The following CETN3 variants were observed in gnomAD, a reference collection of about 807,000 sequenced individuals.
CETN3 encodes the protein centrin-3.
A neutral mutation model predicts 20.1 loss-of-function variants in CETN3; 17 were observed. The ratio of observed to expected loss-of-function variants is 0.85; its 90% confidence interval spans 0.58 to 1.27. The LOEUF is 1.27. CETN3 is among the 50% of genes most tolerant of loss of function. The probability of loss-of-function intolerance (pLI) is 0.00; values close to 1 mark genes in which losing one functional copy is unlikely to be tolerated. For synonymous variants in CETN3, 52 were observed against 59.7 expected (o/e 0.87, Z 0.59); for missense variants, 169 against 191.2 (o/e 0.88, Z 0.69).
At chr5:90,409,240 T>G (rs28604505) in intron 1 of CETN3, among the ~76,000 whole-genome samples, 6,815 of 152,084 alleles carry the variant, frequency 0.045, 516 homozygotes, top group African/African-American at 0.16. Context: ...TTTCCAAAAT[T>G]TATAGGTGGG....
chr5:90,393,225 A>T lies in CETN3; in HGVS notation c.*839T>A, dbSNP rs944712932. The T allele has an allele frequency of 2.6e-5, 4 of 152,170 alleles. No individual in the cohort carries two copies. The highest frequency in any genetic ancestry group is 9.7e-5 in the African/African-American group (4 of 41,442). The allele number at this position is 152,170 out of a possible 1,614,324, so 9.4% of individuals were successfully genotyped here. On this transcript the variant is annotated 3_prime_UTR_variant, in exon 5 of 5. Coordinates refer to ENST00000283122, the MANE Select transcript of CETN3 (RefSeq NM_004365.4). Reference sequence around the variant, plus strand: ...TTCATATAGGTAAAACATAGACTTAAATTATTTCTGTGGCTTACAGTTTTC... The same window carrying T: ...TTCATATAGGTAAAACATAGACTTATATTATTTCTGTGGCTTACAGTTTTC...
intron 4 of CETN3, among the ~76,000 whole-genome samples, chr5:90,397,332 A>G (rs1003289749): frequency 1.3e-5 from 2 of 152,132 alleles, no homozygotes; most frequent in African/African-American, 4.8e-5. Context: ...TCAAGTTCCT[A>G]TATCTAATAA....
intron 3 of CETN3, among the ~76,000 whole-genome samples, chr5:90,404,790 G>A (rs1233634373): frequency 1.3e-5 from 2 of 150,518 alleles, no homozygotes; most frequent in African/African-American, 4.9e-5. Flanking sequence ...TGTGTATATA[G>A]CAGAATTTGT....
chr5:90,396,594 C>T, intron 4 of CETN3: 1 of 1,458,476 alleles, frequency 6.9e-7, no homozygotes, highest in South Asian at 1.3e-5. Flanking sequence ...ATAAAACAGC[C>T]TTAGAATGAT....
chr5:90,407,831 A>C lies in CETN3; in HGVS notation c.21T>G (p.Ser7Arg), dbSNP rs1749495732. 5 of 1,569,898 alleles carry C rather than the reference A, an allele frequency of 3.2e-6. No homozygotes were observed. Among genetic ancestry groups the C allele is most frequent in the Non-Finnish European group, 4.3e-6 (5 of 1,162,360 alleles). MSLALR[S>R]ELVVDKTKRK... ...TCTTTGTTTTGTCCACTACAAGCTC[A>C]CTTCTATGAAATGGAAAGAAAAAGC... Residue 7 changes from serine (S) to arginine (R), a missense_variant, in exon 2 of 5, where the codon AGT becomes AGG. Physicochemically the swap from Ser to Arg is moderately radical, Grantham distance 110. Coordinates refer to ENST00000283122, the MANE Select transcript of CETN3 (RefSeq NM_004365.4).
chr5:90,402,758 G>C (rs546744289), intron 3 of CETN3, among the ~76,000 whole-genome samples: 49 of 152,282 alleles, frequency 3.2e-4, no homozygotes, highest in African/African-American at 1.1e-3. Context: ...TGGTCCAAAG[G>C]CTATAGTTGC....
chr5:90,396,444 A>C (rs1297507735), intron 4 of CETN3: 1 of 1,513,408 alleles, frequency 6.6e-7, no homozygotes, highest in African/African-American at 1.4e-5. Context: ...CTTTCCAATA[A>C]ATACAGTTCA....
chr5:90,404,903 A>C (rs899962593), intron 3 of CETN3, among the ~76,000 whole-genome samples: 3 of 152,056 alleles, frequency 2.0e-5, no homozygotes, highest in African/African-American at 7.2e-5. Context: ...GAATATTTAC[A>C]TATTTTGTAG....
At chr5:90,398,154 T>A (rs1252597176) in intron 4 of CETN3, among the ~76,000 whole-genome samples, 1 of 152,124 alleles carries the variant, frequency 6.6e-6, no homozygotes, top group East Asian at 1.9e-4. Flanking sequence ...ACATTCACCA[T>A]GTTTATTATT....
chr5:90,406,032 C>A (rs1278018759), intron 2 of CETN3, among the ~76,000 whole-genome samples: 1 of 152,040 alleles, frequency 6.6e-6, no homozygotes, highest in African/African-American at 2.4e-5. Context: ...AAGTAACCAA[C>A]AAGTGTTTAC....
At chr5:90,400,172 A>T (rs1311485478) in intron 3 of CETN3, among the ~76,000 whole-genome samples, 1 of 152,172 alleles carries the variant, frequency 6.6e-6, no homozygotes, top group Non-Finnish European at 1.5e-5. Flanking sequence ...ATAGGATCAA[A>T]TCTGACTATA....
intron 4 of CETN3, among the ~76,000 whole-genome samples, chr5:90,394,419 T>C (rs956004323): frequency 6.6e-6 from 1 of 152,050 alleles, no homozygotes; most frequent in Non-Finnish European, 1.5e-5. Flanking sequence ...TGCTAAAACA[T>C]TTTAAATGCT....
Position 90,409,714 on chromosome 5 carries a change from A to C in CETN3, c.-53T>G. 5 of 1,611,958 alleles carry C rather than the reference A, an allele frequency of 3.1e-6. No homozygotes were observed. The highest frequency in any genetic ancestry group is 3.4e-6 in the Non-Finnish European group (4 of 1,178,360). The stretch of plus-strand genomic sequence containing the variant: ...CAAGAACGATTTTAACCCCCTACCC[A>C]AGGCAGCAAGACGCCCACAGCCGTT... On this transcript the variant is annotated 5_prime_UTR_variant, in exon 1 of 5. Coordinates refer to ENST00000283122, the MANE Select transcript of CETN3 (RefSeq NM_004365.4).
chr5:90,403,937 A>G (rs1001804138), intron 3 of CETN3, among the ~76,000 whole-genome samples: 7 of 151,822 alleles, frequency 4.6e-5, no homozygotes, highest in Non-Finnish European at 1.0e-4. Context: ...AAGGTGAAAT[A>G]ACATATTTTG....
intron 1 of CETN3, among the ~76,000 whole-genome samples, chr5:90,408,237 G>A (rs963799948): frequency 1.3e-5 from 2 of 151,940 alleles, no homozygotes; most frequent in African/African-American, 4.8e-5. Flanking sequence ...ATCTCCAAAT[G>A]AAACCAAAAT....
chr5:90,399,256 T>C (rs1749215902), intron 4 of CETN3, 102 bp downstream of exon 4: 1 of 956,520 alleles, frequency 1.0e-6, no homozygotes, highest in East Asian at 2.5e-5. Context: ...CAAGAAGCAG[T>C]TAAGTTTACA....
intron 1 of CETN3, among the ~76,000 whole-genome samples, chr5:90,409,119 G>A (rs1038595540): frequency 6.6e-6 from 1 of 152,178 alleles, no homozygotes; most frequent in African/African-American, 2.4e-5. Flanking sequence ...GTAAAAAAAT[G>A]CAAGAAATTT....
At chr5:90,399,660 T>C (rs1278274093) in intron 3 of CETN3, 111 bp from the exon 4 acceptor site, 2 of 803,034 alleles carry the variant, frequency 2.5e-6, no homozygotes, top group Non-Finnish European at 3.9e-6. Flanking sequence ...TGTCAACTTT[T>C]AGTCTGACAA....
chr5:90,404,310 T>C (rs1394406722), intron 3 of CETN3, among the ~76,000 whole-genome samples: 1 of 152,218 alleles, frequency 6.6e-6, no homozygotes, highest in Non-Finnish European at 1.5e-5. Context: ...TTCCAAGTGC[T>C]AAACCACTAT....
Sources: gnomAD v4.1 joint callset for allele counts (sites outside exome capture counted in the v4.1 genomes callset) on GRCh38, gnomAD v4.1.1 for gene constraint, MANE v1.5 for transcripts, NCBI Gene and HGNC (gene_info 2026-07-23, HGNC 2026-07-21) for gene names.